MAP2: variants seen among roughly 807,000 people sequenced by gnomAD.
The protein encoded by MAP2 is microtubule-associated protein 2.
Under a neutral mutation model 137.6 loss-of-function variants are expected in MAP2, and 14 were observed. The observed-to-expected ratio is 0.10, with a 90% CI of 0.07 to 0.16. The LOEUF is 0.16. Among genes scored for constraint, MAP2 ranks in the 10% least tolerant of loss-of-function variants. The probability of loss-of-function intolerance (pLI) is 1.00; values close to 1 mark genes in which losing one functional copy is unlikely to be tolerated. For missense variants in MAP2, 2,088 were observed against 2,191.5 expected (o/e 0.95, Z 0.94); for synonymous variants, 786 against 782.3 (o/e 1.00, Z -0.08).
At chr2:209,577,033 T>C (rs2075472716) in intron 2 of MAP2, among the ~76,000 whole-genome samples, 1 of 152,188 alleles carries the variant, frequency 6.6e-6, no homozygotes, top group Non-Finnish European at 1.5e-5. Context: ...GTTATGTGCT[T>C]TCATGATAGA....
At chr2:209,669,072 C>T (rs916115891) in intron 5 of MAP2, among the ~76,000 whole-genome samples, 5 of 151,974 alleles carry the variant, frequency 3.3e-5, no homozygotes, top group Non-Finnish European at 7.4e-5. Flanking sequence ...GCGGACAATA[C>T]TTTTGTAGCT....
Position 209,693,743 on chromosome 2 carries a change from T to C in MAP2, c.1573T>C (p.Ser525Pro), listed in dbSNP as rs758743372. Residue 525 changes from serine to proline, a missense_variant, in exon 8 of 16, where the codon TCT becomes CCT. Physicochemically the swap from Ser to Pro is moderately conservative, Grantham distance 74 (BLOSUM62 -1). Transcript: ENST00000682079. ...ACTGGAGAAAGCCATGACCGAACCA[T>C]CTGCATTAATTGAAAAGAGCTCAAT... is the stretch of plus-strand genomic sequence containing the variant. The part of the protein sequence containing the change: ...KTLEKAMTEP[S>P]ALIEKSSIQE... 1.2e-6 allele frequency: 2 copies of C among 1,613,580 alleles called. No individual in the cohort carries two copies. The highest frequency in any genetic ancestry group is 2.2e-5 in the East Asian group (1 of 44,850).
chr2:209,692,804 G>A lies in MAP2; in HGVS notation c.634G>A (p.Asp212Asn). 6.2e-7 allele frequency: 1 copy of A among 1,613,644 alleles called. No homozygotes were observed. The highest frequency in any genetic ancestry group is 8.5e-7 in the Non-Finnish European group (1 of 1,179,866). The change falls in exon 8 of 16, where the codon GAC becomes AAC. Residue 212 changes from aspartate (D) to asparagine (N), a missense_variant. Asp to Asn is a conservative substitution (Grantham distance 23). Around this residue, in one of 6 missense-constraint regions of MAP2, gnomAD observed 859 missense variants for 794.5 expected, o/e 1.08. Transcript: ENST00000682079. The stretch of plus-strand genomic sequence containing the variant: ...AACTAAAACTTACCCTGATAAAAAG[G>A]ACATGCAAGGCACGGAAGAAGAAAA... ...ETTKTYPDKKDMQGTEEEKAP... is the reference protein window; with the variant it reads ...ETTKTYPDKKNMQGTEEEKAP...
At position 209,693,693 on chromosome 2, in the gene MAP2, C is replaced by T. The variant is rs2059517538; in HGVS notation, c.1523C>T (p.Thr508Ile). 1 of 1,613,582 alleles carries T rather than the reference C, an allele frequency of 6.2e-7. No individual in the cohort carries two copies. Among genetic ancestry groups the T allele is most frequent in the Non-Finnish European group, 8.5e-7 (1 of 1,179,932 alleles). The change falls in exon 8 of 16, where the codon ACA (threonine) becomes ATA (isoleucine). Residue 508 changes from threonine to isoleucine, a missense_variant. Transcript: ENST00000682079. ...SFPVSLEQAV[T>I]DSAMTSKTLE... ...CCTGTAAGTTTGGAGCAAGCAGTTA[C>T]AGATTCAGCCATGACCTCTAAAACA... is the stretch of plus-strand genomic sequence containing the variant.
At chr2:209,684,960 A>G (rs1367915476) in intron 7 of MAP2, among the ~76,000 whole-genome samples, 1 of 151,152 alleles carries the variant, frequency 6.6e-6, no homozygotes, top group African/African-American at 2.4e-5. Flanking sequence ...TTGTCTGAGT[A>G]CACTGAAGAC....
intron 4 of MAP2, among the ~76,000 whole-genome samples, chr2:209,636,468 C>T (rs1296712740): frequency 6.6e-6 from 1 of 151,820 alleles, no homozygotes; most frequent in Non-Finnish European, 1.5e-5. Context: ...GGAGTGAGTC[C>T]TGTTTTTGGA....
At chr2:209,593,634 A>AAATATAT (rs1286103137) in intron 3 of MAP2, among the ~76,000 whole-genome samples, 2 of 33,644 alleles carry the variant, frequency 5.9e-5, no homozygotes, top group African/African-American at 2.5e-4. Flanking sequence ...AAAAAAAAAA[A>AAATATAT]ATATATATAT....
Position 209,574,013 on chromosome 2 carries a change from TTTA to T in MAP2, c.-171-6016_-171-6014del, listed in dbSNP as rs201887553. On this transcript the variant is annotated intron_variant, in intron 2 of 15. Transcript: ENST00000682079. ...TGAATATACCACATTTTTTAAAAGT[TTTA>T]TTATTAATATTTTTGACTGACAAAT... Among the ~76,000 whole-genome samples, 1,301 of 152,276 alleles carry T rather than the reference TTTA, an allele frequency of 8.5e-3. 19 individuals carry two copies. The highest frequency in any genetic ancestry group is 0.029 in the African/African-American group (1,218 of 41,558).
At chr2:209,577,358 G>A (rs1327944670) in intron 2 of MAP2, among the ~76,000 whole-genome samples, 2 of 152,016 alleles carry the variant, frequency 1.3e-5, no homozygotes, top group Non-Finnish European at 2.9e-5. Flanking sequence ...GGGGAGAGAG[G>A]ATGATGATGG....
At chr2:209,699,945 A>G (rs1270277107) in intron 10 of MAP2, among the ~76,000 whole-genome samples, 1 of 152,148 alleles carries the variant, frequency 6.6e-6, no homozygotes, top group Non-Finnish European at 1.5e-5. Flanking sequence ...CAACATTCAC[A>G]TTGCTATTCT....
chr2:209,576,424 T>C (rs551336210), intron 2 of MAP2, among the ~76,000 whole-genome samples: 1 of 151,862 alleles, frequency 6.6e-6, no homozygotes, highest in Admixed American at 6.6e-5. Flanking sequence ...TTGTATTTTT[T>C]TTTTTAGTAG....
chr2:209,504,959 TAC>T (rs2060851802), intron 1 of MAP2, among the ~76,000 whole-genome samples: 1 of 152,182 alleles, frequency 6.6e-6, no homozygotes, highest in Non-Finnish European at 1.5e-5. Flanking sequence ...CAGCCACACA[TAC>T]ACAGTCACTG....
chr2:209,602,276 G>A (rs1049543510), intron 3 of MAP2, among the ~76,000 whole-genome samples: 1 of 152,098 alleles, frequency 6.6e-6, no homozygotes, highest in African/African-American at 2.4e-5. Flanking sequence ...AAATATAATT[G>A]GCTTAAAAGA....
chr2:209,561,590 T>C (rs1343033463), intron 2 of MAP2, among the ~76,000 whole-genome samples: 1 of 152,228 alleles, frequency 6.6e-6, no homozygotes, highest in Non-Finnish European at 1.5e-5. Context: ...GTGCTTAATA[T>C]AGTGTAGGCA....
At chr2:209,607,127 TA>T (rs1485075592) in intron 3 of MAP2, among the ~76,000 whole-genome samples, 1 of 152,200 alleles carries the variant, frequency 6.6e-6, no homozygotes, top group East Asian at 1.9e-4. Context: ...CATTTCCAAG[TA>T]GATGGCATTC....
intron 1 of MAP2, among the ~76,000 whole-genome samples, chr2:209,426,284 T>C (rs62213406): frequency 6.6e-6 from 1 of 151,982 alleles, no homozygotes; most frequent in African/African-American, 2.4e-5. Context: ...TCTGAAGATC[T>C]AAGTAATTTA....
intron 1 of MAP2, among the ~76,000 whole-genome samples, chr2:209,438,781 C>A (rs890012745): frequency 6.6e-6 from 1 of 151,364 alleles, no homozygotes. Context: ...AGTAACCTTA[C>A]GATGACACGG....
chr2:209,626,767 A>G (rs1033666997), intron 4 of MAP2, among the ~76,000 whole-genome samples: 2 of 152,206 alleles, frequency 1.3e-5, no homozygotes, highest in African/African-American at 4.8e-5. Flanking sequence ...AGGCATGAAG[A>G]TCTGGTTGAC....
chr2:209,435,440 A>T (rs187439655), intron 1 of MAP2, among the ~76,000 whole-genome samples: 252 of 151,780 alleles, frequency 1.7e-3, no homozygotes, highest in Non-Finnish European at 2.7e-3. Context: ...GACAATAGCA[A>T]TAGCAAAGGC....
Sources: allele counts gnomAD v4.1 joint callset (sites outside exome capture counted in the v4.1 genomes callset), GRCh38; gene constraint gnomAD v4.1.1; regional missense constraint gnomAD v4.1.1; transcripts MANE v1.5; gene names NCBI Gene and HGNC (gene_info 2026-07-23, HGNC 2026-07-21).